Variants in TTC28 observed in about 807,000 individuals in gnomAD.
TTC28 encodes the protein tetratricopeptide repeat domain 28, also known as tetratricopeptide repeat protein 28.
In TTC28, 61 loss-of-function variants were observed where a neutral mutation model predicts 198.0. The observed-to-expected ratio is 0.31, with a 90% CI of 0.25 to 0.38. The LOEUF is 0.38. Among genes scored for constraint, TTC28 ranks in the 10% least tolerant of loss-of-function variants. The probability of loss-of-function intolerance (pLI) is 1.00; values close to 1 mark genes in which losing one functional copy is unlikely to be tolerated. For synonymous variants in TTC28, 1,171 were observed against 1,297.8 expected, an observed-to-expected ratio of 0.90 and a Z score of 2.10; for missense variants, 2,678 against 3,164.0, an observed-to-expected ratio of 0.85 and a Z score of 3.69.
At chr22:28,261,049 G>A (rs899512616) in intron 5 of TTC28, among the ~76,000 whole-genome samples, 1 of 152,012 alleles carries the variant, frequency 6.6e-6, no homozygotes, top group Non-Finnish European at 1.5e-5. Context: ...CCACTGCCTG[G>A]CCCACTCAGG....
chr22:28,536,198 C>CAAAAAAAAAAAAAAAA (rs59506221), intron 2 of TTC28, among the ~76,000 whole-genome samples: 1 of 64,402 alleles, frequency 1.6e-5, no homozygotes, highest in Non-Finnish European at 2.9e-5. Context: ...GACACCGTCT[C>CAAAAAAAAAAAAAAAA]AAAAAAAAAA....
At chr22:28,078,323 T>C (rs555964091) in intron 12 of TTC28, among the ~76,000 whole-genome samples, 1 of 152,296 alleles carries the variant, frequency 6.6e-6, no homozygotes, top group Non-Finnish European at 1.5e-5. Context: ...CAGTGCATTT[T>C]ACAAACACTA....
At position 28,107,172 on chromosome 22, in the gene TTC28, A is replaced by T. The variant is rs2146899033; in HGVS notation, c.2673T>A (p.Gly891=). 3 of 1,551,678 alleles carry T rather than the reference A, an allele frequency of 1.9e-6. No individual in the cohort carries two copies. The highest frequency in any genetic ancestry group is 2.6e-6 in the Non-Finnish European group (3 of 1,146,988). ...AGTATTTGATAGCTTCCTCATAGTC[A>T]CCCAGGGCTTCGTAGCAATCCCCCA... ...GNLGDCYEAL[G]DYEEAIKYYE... Residue 891 remains glycine (G), a synonymous_variant, in exon 7 of 23, where the codon GGT becomes GGA. Coordinates refer to ENST00000397906, the MANE Select transcript of TTC28 (RefSeq NM_001145418.2).
chr22:27,983,541 A>T lies in TTC28; in HGVS notation c.6126T>A (p.Pro2042=). 1 of 1,551,222 alleles carries T rather than the reference A, an allele frequency of 6.4e-7. No homozygotes were observed. Among genetic ancestry groups the T allele is most frequent in the Non-Finnish European group, 8.7e-7 (1 of 1,146,876 alleles). ...QRSTLPRSQL[P]PQTRPAGNKD... ...TGTTGCCTGCAGGGCGGGTCTGGGG[A>T]GGCAGCTGGCTCCTAGGCAGGGTGG... is the stretch of plus-strand genomic sequence containing the variant. Residue 2042 remains proline (P), a synonymous_variant, in exon 23 of 23, where the codon CCT becomes CCA. Coordinates refer to ENST00000397906, the MANE Select transcript of TTC28 (RefSeq NM_001145418.2).
Position 28,284,669 on chromosome 22 carries a change from A to T in TTC28, c.933+11529T>A, listed in dbSNP as rs112566142. Among the ~76,000 whole-genome samples the T allele has an allele frequency of 1.9e-3, 283 of 152,240 alleles. 1 individual carries two copies. Among genetic ancestry groups the T allele is most frequent in the African/African-American group, 6.1e-3 (255 of 41,556 alleles). On this transcript the variant is annotated intron_variant, in intron 5 of 22. Transcript: ENST00000397906. Reference sequence around the variant, plus strand: ...TGCAAAAAATAAATAAAAATAACCCAATTTAAAAAAAGCAAAGGACCTGAA... The same window carrying T: ...TGCAAAAAATAAATAAAAATAACCCTATTTAAAAAAAGCAAAGGACCTGAA...
chr22:28,506,449 C>A (rs2048614517), intron 2 of TTC28, among the ~76,000 whole-genome samples: 1 of 152,098 alleles, frequency 6.6e-6, no homozygotes, highest in Non-Finnish European at 1.5e-5. Flanking sequence ...TGGCTGCCAT[C>A]TCAGTGGTTC....
intron 2 of TTC28, among the ~76,000 whole-genome samples, chr22:28,397,001 C>T (rs1379876771): frequency 2.6e-5 from 4 of 152,176 alleles, no homozygotes; most frequent in Non-Finnish European, 5.9e-5. Flanking sequence ...CACTGCTTTA[C>T]ACAGAGAAGG....
At chr22:28,457,628 T>C (rs2047882074) in intron 2 of TTC28, among the ~76,000 whole-genome samples, 1 of 152,238 alleles carries the variant, frequency 6.6e-6, no homozygotes, top group Admixed American at 6.5e-5. Flanking sequence ...TATTTTTATG[T>C]ATATGAAATT....
intron 2 of TTC28, among the ~76,000 whole-genome samples, chr22:28,400,534 G>A (rs111813224): frequency 2.0e-5 from 3 of 152,338 alleles, no homozygotes; most frequent in African/African-American, 7.2e-5. Context: ...AGTAGTGGTA[G>A]TAGTAGCAGT....
intron 2 of TTC28, among the ~76,000 whole-genome samples, chr22:28,613,896 C>T (rs751472391): frequency 2.0e-5 from 3 of 152,188 alleles, no homozygotes; most frequent in African/African-American, 7.2e-5. Context: ...GACAAGGATG[C>T]CCTTTCTCAC....
chr22:28,389,401 A>G (rs984964430), intron 2 of TTC28, among the ~76,000 whole-genome samples: 1 of 151,474 alleles, frequency 6.6e-6, no homozygotes, highest in African/African-American at 2.4e-5. Flanking sequence ...TGATTGGAAT[A>G]GTTTCAGAAG....
intron 2 of TTC28, among the ~76,000 whole-genome samples, chr22:28,347,565 A>C (rs1463431250): frequency 1.3e-5 from 2 of 152,150 alleles, no homozygotes; most frequent in African/African-American, 4.8e-5. Flanking sequence ...GCGCACTGAA[A>C]AGGGCGGTAG....
intron 2 of TTC28, among the ~76,000 whole-genome samples, chr22:28,376,588 T>C (rs962254926): frequency 6.6e-6 from 1 of 151,926 alleles, no homozygotes; most frequent in African/African-American, 2.4e-5. Context: ...CAAAGGACAA[T>C]AATCCTGAGA....
At chr22:28,591,431 A>G (rs1160588873) in intron 2 of TTC28, among the ~76,000 whole-genome samples, 1 of 152,116 alleles carries the variant, frequency 6.6e-6, no homozygotes, top group Non-Finnish European at 1.5e-5. Flanking sequence ...TGATTCTCAT[A>G]CCAAGCCTGT....
chr22:28,084,477 A>C (rs1287718525), intron 12 of TTC28, among the ~76,000 whole-genome samples: 1 of 152,196 alleles, frequency 6.6e-6, no homozygotes, highest in African/African-American at 2.4e-5. Flanking sequence ...AAACTAACAA[A>C]CAGAAAGGAC....
intron 2 of TTC28, among the ~76,000 whole-genome samples, chr22:28,420,360 A>C (rs1194127121): frequency 1.3e-5 from 2 of 152,184 alleles, no homozygotes; most frequent in Non-Finnish European, 2.9e-5. Context: ...AATACCAATG[A>C]AAAATTACTA....
At chr22:28,284,668 C>T (rs1459042459) in intron 5 of TTC28, among the ~76,000 whole-genome samples, 1 of 151,468 alleles carries the variant, frequency 6.6e-6, no homozygotes, top group Admixed American at 6.6e-5. Flanking sequence ...AAAAATAACC[C>T]AATTTAAAAA....
At chr22:28,120,224 A>G (rs1569149665) in intron 6 of TTC28, among the ~76,000 whole-genome samples, 3 of 152,216 alleles carry the variant, frequency 2.0e-5, no homozygotes, top group Non-Finnish European at 4.4e-5. Flanking sequence ...CCTAAGCCGT[A>G]GTCTCATAAA....
intron 2 of TTC28, among the ~76,000 whole-genome samples, chr22:28,592,624 C>T (rs1230447459): frequency 1.3e-5 from 2 of 152,136 alleles, no homozygotes; most frequent in Non-Finnish European, 2.9e-5. Flanking sequence ...TCATGAATGA[C>T]GATCCTTCCA....
Sources: gnomAD v4.1 joint callset for allele counts (sites outside exome capture counted in the v4.1 genomes callset) on GRCh38, gnomAD v4.1.1 for gene constraint, MANE v1.5 for transcripts, NCBI Gene and HGNC (gene_info 2026-07-23, HGNC 2026-07-21) for gene names.